The following SLC19A1 variants were observed in gnomAD, a reference collection of about 807,000 sequenced individuals.
SLC19A1 encodes solute carrier family 19 member 1, also known as reduced folate transporter.
Under a neutral mutation model 35.3 loss-of-function variants are expected in SLC19A1, and 37 were observed. The observed-to-expected ratio is 1.05, with a 90% CI of 0.81 to 1.38. SLC19A1 has a LOEUF of 1.38. SLC19A1 is among the 40% of genes most tolerant of loss of function. SLC19A1 has a pLI of 0.00. For missense variants in SLC19A1, 831 were observed against 826.9 expected, an observed-to-expected ratio of 1.00 and a Z score of -0.06; for synonymous variants, 460 against 398.5, an observed-to-expected ratio of 1.15 and a Z score of -1.84.
At chr21:45,556,108 G>A (rs1218715632) in intron 1 of SLC19A1, among the ~76,000 whole-genome samples, 1 of 152,162 alleles carries the variant, frequency 6.6e-6, no homozygotes, top group Non-Finnish European at 1.5e-5. Flanking sequence ...CTGAGCATCG[G>A]GCGGCCACCA....
chr21:45,538,440 C>T (rs1330615123), intron 1 of SLC19A1, among the ~76,000 whole-genome samples: 1 of 152,350 alleles, frequency 6.6e-6, no homozygotes, highest in Admixed American at 6.5e-5. Context: ...AGCCCACGTG[C>T]CTGCTGCTGC....
At chr21:45,546,567 T>C (rs1295920327), upstream of SLC19A1, among the ~76,000 whole-genome samples, 4 of 152,214 alleles carry the variant, frequency 2.6e-5, no homozygotes, top group Non-Finnish European at 5.9e-5. Flanking sequence ...AGCCAGACTT[T>C]CACAAAATCA....
At chr21:45,562,552 C>G (rs2078625575) in intron 1 of SLC19A1, among the ~76,000 whole-genome samples, 1 of 152,174 alleles carries the variant, frequency 6.6e-6, no homozygotes, top group Non-Finnish European at 1.5e-5. Context: ...AGACGTGAAA[C>G]AAACGGGTTG....
At chr21:45,543,420 C>G (rs1446676924), upstream of SLC19A1, among the ~76,000 whole-genome samples, 1 of 152,228 alleles carries the variant, frequency 6.6e-6, no homozygotes, top group Non-Finnish European at 1.5e-5. Flanking sequence ...ACCGTGGTAC[C>G]CACAGCTCAA....
At chr21:45,549,900 G>C (rs1357790897) in intron 1 of SLC19A1, among the ~76,000 whole-genome samples, 4 of 151,960 alleles carry the variant, frequency 2.6e-5, no homozygotes, top group Non-Finnish European at 5.9e-5. Flanking sequence ...CAGCCACGTA[G>C]GTCTCCATGT....
intron 5 of SLC19A1, among the ~76,000 whole-genome samples, chr21:45,521,526 T>C (rs2077438028): frequency 1.3e-5 from 2 of 152,194 alleles, no homozygotes; most frequent in Non-Finnish European, 2.9e-5. Flanking sequence ...TACTCTAAAA[T>C]GTATACGGAA....
intron 1 of SLC19A1, among the ~76,000 whole-genome samples, chr21:45,541,504 G>T (rs1404271663): frequency 1.3e-5 from 2 of 152,258 alleles, no homozygotes; most frequent in Admixed American, 6.5e-5. Context: ...GTTGGCCTGT[G>T]TCCTGAGGCC....
chr21:45,519,592 A>AG (rs1327822477), intron 5 of SLC19A1, among the ~76,000 whole-genome samples: 14 of 139,792 alleles, frequency 1.0e-4, no homozygotes, highest in Non-Finnish European at 1.6e-4. Context: ...AAAAAAAAAA[A>AG]AAGACCAGGG....
intron 5 of SLC19A1, among the ~76,000 whole-genome samples, chr21:45,518,275 T>C (rs999027250): frequency 6.6e-6 from 1 of 152,004 alleles, no homozygotes; most frequent in African/African-American, 2.4e-5. Context: ...AAATGATCAA[T>C]GAACTGGAGG....
Position 45,532,131 on chromosome 21 carries a change from C to T in SLC19A1, c.207G>A (p.Thr69=). The change falls in exon 3 of 6, where the codon ACG becomes ACA. Residue 69 remains threonine, a synonymous_variant. Coordinates refer to ENST00000311124, the MANE Select transcript of SLC19A1 (RefSeq NM_194255.4). ...FTREQVTNEI[T]PVLSYSYLAV... is the part of the protein sequence containing the mutation. The stretch of plus-strand genomic sequence containing the variant: ...CCAGGTAGGAGTACGACAGCACCGG[C>T]GTGATCTCGTTCGTGACCTGCGGAC... 6.2e-7 allele frequency: 1 copy of T among 1,601,618 alleles called. No individual in the cohort carries two copies. Among genetic ancestry groups the T allele is most frequent in the Non-Finnish European group, 8.5e-7 (1 of 1,172,132 alleles).
intron 5 of SLC19A1, among the ~76,000 whole-genome samples, 178 bp from the exon 6 acceptor site, chr21:45,516,318 C>T (rs899245586): frequency 6.6e-6 from 1 of 152,130 alleles, no homozygotes; most frequent in Admixed American, 6.5e-5. Context: ...CCACAGCCCC[C>T]CCGACCTCCA....
intron 5 of SLC19A1, among the ~76,000 whole-genome samples, chr21:45,518,731 C>CG (rs1370943247): frequency 6.6e-6 from 1 of 152,106 alleles, no homozygotes; most frequent in African/African-American, 2.4e-5. Context: ...AAAAAGAACA[C>CG]TGTCTACCCA....
intron 4 of SLC19A1, among the ~76,000 whole-genome samples, chr21:45,529,198 G>A (rs1050621102): frequency 3.9e-5 from 6 of 152,242 alleles, no homozygotes; most frequent in South Asian, 4.1e-4. Flanking sequence ...AGGGTGGGCC[G>A]GGCTGCCCAT....
chr21:45,559,347 C>T (rs992525419), intron 1 of SLC19A1, among the ~76,000 whole-genome samples: 2 of 152,100 alleles, frequency 1.3e-5, no homozygotes, highest in East Asian at 1.9e-4. Context: ...GTATTTAGGT[C>T]GGTGAGGTGT....
At chr21:45,523,693 G>A (rs752541288) in intron 5 of SLC19A1, among the ~76,000 whole-genome samples, 7 of 152,206 alleles carry the variant, frequency 4.6e-5, no homozygotes, top group East Asian at 3.9e-4. Flanking sequence ...GGGCGGCAAC[G>A]GTAGTCAGGG....
At chr21:45,552,358 C>A (rs1328142230) in intron 1 of SLC19A1, among the ~76,000 whole-genome samples, 2 of 152,136 alleles carry the variant, frequency 1.3e-5, no homozygotes, top group Admixed American at 6.5e-5. Flanking sequence ...AACAAAACTG[C>A]CCTCCTGTCC....
chr21:45,560,147 T>G (rs2078601230), intron 1 of SLC19A1, among the ~76,000 whole-genome samples: 1 of 152,126 alleles, frequency 6.6e-6, no homozygotes, highest in African/African-American at 2.4e-5. Context: ...CCGTGCAGCC[T>G]TCCTGGGGAG....
At chr21:45,532,573 A>G (rs1192971571) in intron 2 of SLC19A1, among the ~76,000 whole-genome samples, 2 of 152,114 alleles carry the variant, frequency 1.3e-5, no homozygotes, top group East Asian at 3.9e-4. Flanking sequence ...AGCTGAGATT[A>G]CAGGTGCGTA....
chr21:45,545,360 A>G (rs1451458169), upstream of SLC19A1, among the ~76,000 whole-genome samples: 1 of 151,814 alleles, frequency 6.6e-6, no homozygotes, highest in Non-Finnish European at 1.5e-5. Context: ...AGGTTGTTTA[A>G]AAGAGTCCGG....
Sources: allele counts gnomAD v4.1 joint callset (sites outside exome capture counted in the v4.1 genomes callset), GRCh38; gene constraint gnomAD v4.1.1; transcripts MANE v1.5; gene names NCBI Gene and HGNC (gene_info 2026-07-23, HGNC 2026-07-21).